Variants in PPP2R3B observed in about 807,000 individuals in gnomAD.
PPP2R3B encodes serine/threonine-protein phosphatase 2A regulatory subunit B'' subunit beta.
Under a neutral mutation model 72.9 loss-of-function variants are expected in PPP2R3B, and 68 were observed. The observed-to-expected ratio is 0.93, with a 90% CI of 0.77 to 1.14. PPP2R3B has a LOEUF of 1.14. PPP2R3B is among the 50% of genes most tolerant of loss of function. The probability of loss-of-function intolerance (pLI) is 0.00; values close to 1 mark genes in which losing one functional copy is unlikely to be tolerated. For synonymous variants in PPP2R3B, 466 were observed against 375.8 expected (o/e 1.24, Z -2.78); for missense variants, 1,018 against 842.0 (o/e 1.21, Z -2.59).
At chrX:355,517 T>C (rs1252537603) in intron 2 of PPP2R3B, among the ~76,000 whole-genome samples, 3 of 152,116 alleles carry the variant, frequency 2.0e-5, no homozygotes. Context: ...CGAACAACGG[T>C]GCAGCCACTC....
At chrX:369,341 G>A (rs1484520685) in intron 1 of PPP2R3B, among the ~76,000 whole-genome samples, 1 of 152,066 alleles carries the variant, frequency 6.6e-6, no homozygotes, top group East Asian at 1.9e-4. Flanking sequence ...ACTTCGTAAA[G>A]AGCCCGTCAC....
intron 2 of PPP2R3B, among the ~76,000 whole-genome samples, chrX:358,288 C>A (rs1489031309): frequency 6.6e-6 from 1 of 152,074 alleles, no homozygotes; most frequent in Non-Finnish European, 1.5e-5. Flanking sequence ...TTGCCTGCGG[C>A]CCCCACACAC....
chrX:345,447 C>T lies in PPP2R3B; in HGVS notation c.1036+69G>A, dbSNP rs745575844. ...GTGCGGAAGGAGAGGCAGCTGCAGA[C>T]CCGCAGGCCCTGAGAGAAGGGTGTG... On this transcript the variant is annotated intron_variant, in intron 7 of 12. Transcript: ENST00000390665. 1.4e-5 allele frequency: 22 copies of T among 1,595,738 alleles called. 1 individual carries two copies. In the South Asian group the frequency reaches 2.4e-4, roughly 18 times the overall value.
At chrX:346,316 C>A in intron 5 of PPP2R3B, 56 bp from the exon 6 acceptor site, 1 of 1,503,762 alleles carries the variant, frequency 6.6e-7, no homozygotes, top group East Asian at 2.5e-5. Context: ...AGCCTCGCCC[C>A]GCACGGAGAC....
intron 1 of PPP2R3B, among the ~76,000 whole-genome samples, chrX:375,721 C>G (rs1398322999): frequency 6.6e-6 from 1 of 152,076 alleles, no homozygotes; most frequent in Non-Finnish European, 1.5e-5. Flanking sequence ...CTGTGATCTC[C>G]CTCCGAAAGT....
At chrX:344,716 GA>G in intron 7 of PPP2R3B, among the ~76,000 whole-genome samples, 1 of 152,342 alleles carries the variant, frequency 6.6e-6, no homozygotes, top group African/African-American at 2.4e-5. Context: ...GTGGCTCCCT[GA>G]ACTGAGCGCA....
intron 1 of PPP2R3B, among the ~76,000 whole-genome samples, chrX:369,805 G>A (rs747346214): frequency 6.6e-5 from 10 of 152,232 alleles, no homozygotes; most frequent in African/African-American, 2.2e-4. Flanking sequence ...CGGAAGGGAC[G>A]CTCAGTACGG....
chrX:348,911 C>T (rs2071276066), intron 2 of PPP2R3B, among the ~76,000 whole-genome samples: 3 of 152,132 alleles, frequency 2.0e-5, no homozygotes, highest in African/African-American at 7.2e-5. Flanking sequence ...TGTTCCGAGG[C>T]TGGCACAGCC....
chrX:341,830 C>T, intron 8 of PPP2R3B, 53 bp downstream of exon 8: 2 of 1,592,624 alleles, frequency 1.3e-6, no homozygotes, highest in East Asian at 2.2e-5. Context: ...AGGAGAGGGA[C>T]CGGGGTCCTC....
intron 7 of PPP2R3B, among the ~76,000 whole-genome samples, chrX:343,730 G>A (rs1301305793): frequency 1.2e-5 from 1 of 83,158 alleles, no homozygotes; most frequent in Non-Finnish European, 2.2e-5. Flanking sequence ...GGAGGCGGGA[G>A]TGAGACCTCA....
chrX:358,338 G>A (rs1316458469), intron 2 of PPP2R3B, among the ~76,000 whole-genome samples: 1 of 152,036 alleles, frequency 6.6e-6, no homozygotes, highest in Non-Finnish European at 1.5e-5. Flanking sequence ...AGCGCAGGTG[G>A]ATTAAGTCGC....
chrX:377,861 GTCC>G (rs1229760561), intron 1 of PPP2R3B, among the ~76,000 whole-genome samples: 1 of 99,920 alleles, frequency 1.0e-5, no homozygotes, highest in Non-Finnish European at 2.0e-5. Flanking sequence ...CACCCAGTGG[GTCC>G]GCCGTGGGGC....
rs374590771 is a variant in PPP2R3B at position 334,535 on chromosome X, C to T, written c.1578-18G>A. ...CCTCGAACCTGCAACGAGGGGATGG[C>T]GAAGACGTGGCCAGCAGCGCGGAGC... is the stretch of plus-strand genomic sequence containing the variant. On this transcript the variant is annotated intron_variant, in intron 12 of 12. Transcript: ENST00000390665. 742 of 1,522,798 alleles carry T rather than the reference C, an allele frequency of 4.9e-4. 2 individuals are homozygous for T. Among genetic ancestry groups the T allele is most frequent in the Non-Finnish European group, 5.6e-4 (635 of 1,142,932 alleles). 94.3% of individuals were successfully genotyped at this position (1,522,798 alleles called of 1,614,324 possible). A position where few individuals can be genotyped will look rare whatever the true frequency, so the allele number is the denominator to read the frequency against.
intron 2 of PPP2R3B, among the ~76,000 whole-genome samples, chrX:356,119 G>A (rs1229024014): frequency 6.6e-6 from 1 of 152,070 alleles, no homozygotes; most frequent in Admixed American, 6.5e-5. Context: ...CGCACAGAAC[G>A]GCTAAAGGCA....
Position 346,170 on chromosome X carries a change from G to A in PPP2R3B, c.879+4C>T, listed in dbSNP as rs752944983. The A allele has an allele frequency of 1.7e-5, 26 of 1,552,570 alleles. No homozygotes were observed. Among genetic ancestry groups the A allele is most frequent in the Non-Finnish European group, 2.3e-5 (26 of 1,151,646 alleles). ...GGGGCAGGGGACAGGGGGCCGCTCCGCACCTGCAGGAAGGAGCTCCTCCGC... is the reference window on the plus strand; with the variant it reads ...GGGGCAGGGGACAGGGGGCCGCTCCACACCTGCAGGAAGGAGCTCCTCCGC... On this transcript the variant is annotated splice_donor_region_variant and intron_variant, in intron 6 of 12. Coordinates refer to ENST00000390665, the MANE Select transcript of PPP2R3B (RefSeq NM_013239.5).
chrX:351,399 T>G lies in PPP2R3B; in HGVS notation c.511-3706A>C, dbSNP rs376576132. ...GATGTGTGAGCCTTCACATCTGTGC[T>G]CCTCACCGCGTGCAAGACACACCGT... On this transcript the variant is annotated intron_variant, in intron 2 of 12. Transcript: ENST00000390665. Among the ~76,000 whole-genome samples the G allele has an allele frequency of 1.2e-4, 18 of 152,266 alleles. No individual in the cohort carries two copies. In the East Asian group the frequency reaches 3.5e-3, roughly 29 times the overall value.
At position 386,780 on chromosome X, in the gene PPP2R3B, G is replaced by A; in HGVS notation, c.-89C>T. 2.5e-6 allele frequency: 2 copies of A among 807,334 alleles called. No individual in the cohort carries two copies. The highest frequency in any genetic ancestry group is 4.9e-5 in the Admixed American group (1 of 20,476). The allele number at this position is 807,334 out of a possible 1,614,324, so 50.0% of individuals were successfully genotyped here. On this transcript the variant is annotated 5_prime_UTR_variant, in exon 1 of 13. Transcript: ENST00000390665. The stretch of plus-strand genomic sequence containing the variant: ...TCCGCCCCGGACCGACCTCGGTGAT[G>A]CGAGCACGGCCCGCTGAGGGGGCGC...
At chrX:382,323 G>C (rs1442003939) in intron 1 of PPP2R3B, among the ~76,000 whole-genome samples, 1 of 151,462 alleles carries the variant, frequency 6.6e-6, no homozygotes, top group African/African-American at 2.4e-5. Context: ...TCAGCCTCCA[G>C]AGTAGCTGGG....
chrX:385,553 G>C (rs1164102976), intron 1 of PPP2R3B, among the ~76,000 whole-genome samples: 1 of 152,068 alleles, frequency 6.6e-6, no homozygotes, highest in Non-Finnish European at 1.5e-5. Context: ...GGAGGCCGAA[G>C]CGGGAGGATT....
Sources: gnomAD v4.1 joint callset for allele counts (sites outside exome capture counted in the v4.1 genomes callset) on GRCh38, gnomAD v4.1.1 for gene constraint, MANE v1.5 for transcripts, NCBI Gene and HGNC (gene_info 2026-07-23, HGNC 2026-07-21) for gene names.